The following LRRC8C variants were observed in gnomAD, a reference collection of about 807,000 sequenced individuals.
LRRC8C encodes the protein leucine rich repeat containing 8 VRAC subunit C, also known as volume-regulated anion channel subunit LRRC8C.
In LRRC8C, 20 loss-of-function variants were observed where a neutral mutation model predicts 55.3. That is an observed-to-expected ratio of 0.36 (90% CI 0.25 to 0.53). The LOEUF is 0.53. Ranked by LOEUF, LRRC8C falls within the 20% of genes least tolerant of loss-of-function variation. LRRC8C has a pLI of 0.92. For synonymous variants in LRRC8C, 376 were observed against 360.7 expected (o/e 1.04, Z -0.48); for missense variants, 659 against 951.4 (o/e 0.69, Z 4.04).
the LRRC8C span, among the ~76,000 whole-genome samples, chr1:89,616,649 A>G: frequency 6.6e-6 from 1 of 152,222 alleles, no homozygotes; most frequent in East Asian, 1.9e-4. Context: ...TTAGGGGGAA[A>G]AGACAACCTT....
chr1:89,706,697 G>A (rs1023271755), intron 2 of LRRC8C, among the ~76,000 whole-genome samples: 7 of 151,994 alleles, frequency 4.6e-5, no homozygotes, highest in South Asian at 2.1e-4. Context: ...TCCTAGATTC[G>A]AACAGCATTT....
At chr1:89,636,598 C>T (rs1419640735) in intron 1 of LRRC8C, among the ~76,000 whole-genome samples, 1 of 152,046 alleles carries the variant, frequency 6.6e-6, no homozygotes, top group African/African-American at 2.4e-5. Context: ...GGTACCATGA[C>T]AATGCCAGTC....
rs1657625416 is a variant in LRRC8C, at chr1:89,678,890, A to C, written c.-4-7580A>C. Among the ~76,000 whole-genome samples, 2 of 152,156 alleles carry C rather than the reference A, an allele frequency of 1.3e-5. 1 individual carries two copies. The highest frequency in any genetic ancestry group is 4.1e-4 in the South Asian group (2 of 4,828). Reference sequence around the variant, plus strand: ...AGGGTTTGCTGTGGGGATGGGGAATAGGGGACTGGGACAGGAGTAGGTTTT... The same window carrying C: ...AGGGTTTGCTGTGGGGATGGGGAATCGGGGACTGGGACAGGAGTAGGTTTT... On this transcript the variant is annotated intron_variant, in intron 1 of 2. Transcript: ENST00000370454.
chr1:89,669,226 T>C (rs986978278), intron 1 of LRRC8C, among the ~76,000 whole-genome samples: 1 of 151,574 alleles, frequency 6.6e-6, no homozygotes, highest in Non-Finnish European at 1.5e-5. Flanking sequence ...GTATCTAAAG[T>C]AGTCAAATTA....
chr1:89,636,571 C>T (rs1326120205), intron 1 of LRRC8C, among the ~76,000 whole-genome samples: 1 of 152,066 alleles, frequency 6.6e-6, no homozygotes, highest in Non-Finnish European at 1.5e-5. Context: ...GATCTCTTAG[C>T]CTTGTATATC....
Position 89,713,982 on chromosome 1 carries a change from A to G in LRRC8C, c.1412A>G (p.Glu471Gly). ...ATTGCACAGCTAGACAATCTTCAAG[A>G]GCTCTCTCTGCACCAGTGTTCTGTC... ...ATIAQLDNLQ[E>G]LSLHQCSVKI... The change falls in exon 3 of 3, where the codon GAG becomes GGG. Residue 471 changes from glutamate (E) to glycine (G), a missense_variant. Physicochemically the swap from Glu to Gly is moderately conservative, Grantham distance 98. Coordinates refer to ENST00000370454, the MANE Select transcript of LRRC8C (RefSeq NM_032270.5). This position sits in a 1 kb window ranked among gnomAD's most constrained non-coding sequence, Gnocchi z 5.2. 6.2e-7 allele frequency: 1 copy of G among 1,613,306 alleles called. No individual in the cohort carries two copies. Among genetic ancestry groups the G allele is most frequent in the Non-Finnish European group, 8.5e-7 (1 of 1,180,014 alleles).
chr1:89,694,583 T>G (rs1658114919), intron 2 of LRRC8C, among the ~76,000 whole-genome samples: 1 of 117,056 alleles, frequency 8.5e-6, no homozygotes, highest in Non-Finnish European at 1.7e-5. Flanking sequence ...CATGCCCAGC[T>G]TCTTTTTTTT....
intron 2 of LRRC8C, chr1:89,708,792 C>T (rs140926580): frequency 2.8e-4 from 42 of 152,302 alleles, no homozygotes; most frequent in African/African-American, 1.0e-3. Flanking sequence ...GTTGGACCTC[C>T]TAACCTGGCT....
intron 2 of LRRC8C, among the ~76,000 whole-genome samples, chr1:89,701,152 A>G (rs1658311534): frequency 6.6e-6 from 1 of 152,114 alleles, no homozygotes; most frequent in Admixed American, 6.5e-5. Context: ...TTCAAGCTGG[A>G]GAAATAATTT....
At chr1:89,683,879 T>G (rs1269868192) in intron 1 of LRRC8C, among the ~76,000 whole-genome samples, 1 of 152,170 alleles carries the variant, frequency 6.6e-6, no homozygotes, top group African/African-American at 2.4e-5. Flanking sequence ...GATTGAAATT[T>G]CAGGCAAAAC....
chr1:89,682,622 A>G (rs1214605195), intron 1 of LRRC8C, among the ~76,000 whole-genome samples: 1 of 152,226 alleles, frequency 6.6e-6, no homozygotes, highest in Non-Finnish European at 1.5e-5. Flanking sequence ...GCACCTTCAC[A>G]TTACTCAAGA....
chr1:89,665,404 T>C (rs1291701723), intron 1 of LRRC8C, among the ~76,000 whole-genome samples: 1 of 152,212 alleles, frequency 6.6e-6, no homozygotes, highest in African/African-American at 2.4e-5. Flanking sequence ...GTTTTTGTCA[T>C]TGGTTCTGTT....
chr1:89,678,124 G>A (rs1186616416), intron 1 of LRRC8C, among the ~76,000 whole-genome samples: 2 of 152,220 alleles, frequency 1.3e-5, no homozygotes, highest in Admixed American at 6.5e-5. Flanking sequence ...CTATGCTAAT[G>A]TCCTGGCCCT....
chr1:89,624,425 A>G, the LRRC8C span, among the ~76,000 whole-genome samples: 57 of 152,212 alleles, frequency 3.7e-4, no homozygotes, highest in Non-Finnish European at 7.5e-4. Context: ...TGCGTGTTCT[A>G]TATCAGTTTC....
chr1:89,647,311 A>C (rs1380430275), intron 1 of LRRC8C, among the ~76,000 whole-genome samples: 1 of 152,224 alleles, frequency 6.6e-6, no homozygotes, highest in Non-Finnish European at 1.5e-5. Context: ...CAAATTAGGA[A>C]CATGATCTTA....
the LRRC8C span, chr1:89,624,947 AAT>A: frequency 7.9e-5 from 12 of 152,194 alleles, no homozygotes; most frequent in African/African-American, 2.9e-4. Context: ...CTTTCCAAAC[AAT>A]AGGAACCATA....
chr1:89,637,117 AC>A (rs1305167018), intron 1 of LRRC8C, among the ~76,000 whole-genome samples: 1 of 152,120 alleles, frequency 6.6e-6, no homozygotes, highest in African/African-American at 2.4e-5. Flanking sequence ...TCATTCTTAA[AC>A]AAAGCCTTGG....
At chr1:89,618,938 A>G in the LRRC8C span, among the ~76,000 whole-genome samples, 13 of 152,304 alleles carry the variant, frequency 8.5e-5, no homozygotes, top group East Asian at 2.1e-3. Context: ...TAAAATTAAT[A>G]TTGCCCAATT....
intron 1 of LRRC8C, among the ~76,000 whole-genome samples, chr1:89,672,504 C>T (rs2185199): frequency 0.99 from 150,097 of 152,334 alleles, 73,972 homozygotes; most frequent in Middle Eastern, 1. Context: ...TTCCAGGCAT[C>T]GTGGTAAGTG....
Sources: allele counts gnomAD v4.1 joint callset (sites outside exome capture counted in the v4.1 genomes callset), GRCh38; gene constraint gnomAD v4.1.1; non-coding constraint Gnocchi (gnomAD v3.1); transcripts MANE v1.5; gene names NCBI Gene and HGNC (gene_info 2026-07-23, HGNC 2026-07-21).